The following CTNND2 variants were observed in gnomAD, a reference collection of about 807,000 sequenced individuals.
CTNND2 encodes catenin delta-2.
In CTNND2, 22 loss-of-function variants were observed where a neutral mutation model predicts 144.4. The observed-to-expected ratio is 0.15, with a 90% CI of 0.11 to 0.22. The LOEUF (loss-of-function observed/expected upper bound fraction) is 0.22. Among genes scored for constraint, CTNND2 ranks in the 10% least tolerant of loss-of-function variants. The probability of loss-of-function intolerance (pLI) is 1.00; values close to 1 mark genes in which losing one functional copy is unlikely to be tolerated. For synonymous variants in CTNND2, 751 were observed against 695.6 expected, an observed-to-expected ratio of 1.08 and a Z score of -1.25; for missense variants, 1,353 against 1,618.8, an observed-to-expected ratio of 0.84 and a Z score of 2.82.
At chr5:11,622,498 T>C (rs2126431198) in intron 2 of CTNND2, among the ~76,000 whole-genome samples, 1 of 152,312 alleles carries the variant, frequency 6.6e-6, no homozygotes, top group Non-Finnish European at 1.5e-5. Context: ...TCAGTTATAT[T>C]CATATGGGTT....
intron 2 of CTNND2, chr5:11,588,801 C>T (rs796476997): frequency 2.6e-5 from 26 of 985,140 alleles, no homozygotes; most frequent in South Asian, 4.7e-5. Flanking sequence ...GCAAACAAGA[C>T]GACTAGTCCC....
rs946520813 is a variant in CTNND2, at chr5:11,039,756, C to A, written c.2789-16777G>T. Reference sequence around the variant, plus strand: ...AGTTCCTTATGTTTTTTTCTAATAACCATTATTTTAAAAAACAAGTACAGG... The same window carrying A: ...AGTTCCTTATGTTTTTTTCTAATAAACATTATTTTAAAAAACAAGTACAGG... On this transcript the variant is annotated intron_variant, in intron 16 of 21. Transcript: ENST00000304623. Among the ~76,000 whole-genome samples, 4 of 152,048 alleles carry A rather than the reference C, an allele frequency of 2.6e-5. No homozygotes were observed. The South Asian group carries it at 8.3e-4, about 32-fold the overall frequency.
intron 19 of CTNND2, among the ~76,000 whole-genome samples, chr5:10,990,637 CA>C (rs1437574008): frequency 6.6e-6 from 1 of 152,148 alleles, no homozygotes; most frequent in African/African-American, 2.4e-5. Context: ...CAATATTGCC[CA>C]GATGGTGGTG....
At chr5:11,441,401 C>T (rs1301828765) in intron 3 of CTNND2, among the ~76,000 whole-genome samples, 2 of 105,682 alleles carry the variant, frequency 1.9e-5, no homozygotes, top group Non-Finnish European at 3.6e-5. Context: ...TTTTTAAAGA[C>T]AGATTCTCAC....
intron 3 of CTNND2, among the ~76,000 whole-genome samples, chr5:11,429,370 T>C (rs1044561383): frequency 2.0e-5 from 3 of 152,210 alleles, no homozygotes; most frequent in African/African-American, 7.2e-5. Context: ...TATAAAAAGA[T>C]AAATCAGAAC....
chr5:11,704,783 G>GA (rs1785618150), intron 2 of CTNND2, among the ~76,000 whole-genome samples: 1 of 151,752 alleles, frequency 6.6e-6, no homozygotes, highest in African/African-American at 2.4e-5. Context: ...TAGGAAAAAG[G>GA]AAAAAGCTGC....
intron 11 of CTNND2, among the ~76,000 whole-genome samples, chr5:11,197,659 T>C (rs999091036): frequency 4.6e-5 from 7 of 152,160 alleles, no homozygotes; most frequent in East Asian, 1.9e-4. Flanking sequence ...CCAGAAGCTG[T>C]TGGAAGCAAT....
chr5:11,270,538 T>C (rs530907549), intron 9 of CTNND2, among the ~76,000 whole-genome samples: 5 of 151,874 alleles, frequency 3.3e-5, no homozygotes, highest in Non-Finnish European at 7.4e-5. Context: ...TTTTGCAGTG[T>C]CAGATTTCTG....
intron 12 of CTNND2, among the ~76,000 whole-genome samples, chr5:11,129,284 A>AT (rs1344299822): frequency 8.7e-5 from 5 of 57,514 alleles, no homozygotes; most frequent in African/African-American, 2.8e-4. Context: ...TATATTATAT[A>AT]AAAATATATA....
At chr5:11,129,996 G>A (rs1755404528) in intron 12 of CTNND2, among the ~76,000 whole-genome samples, 1 of 152,002 alleles carries the variant, frequency 6.6e-6, no homozygotes, top group Non-Finnish European at 1.5e-5. Context: ...AGCCAAGTCA[G>A]AATAATTCCC....
chr5:11,543,614 C>T (rs1401133485), intron 3 of CTNND2, among the ~76,000 whole-genome samples: 1 of 143,074 alleles, frequency 7.0e-6, no homozygotes, highest in African/African-American at 2.6e-5. Context: ...ATGGCATATA[C>T]ATTATATATC....
Position 11,420,246 on chromosome 5 carries a change from C to T in CTNND2, c.288-8177G>A, listed in dbSNP as rs552176436. Among the ~76,000 whole-genome samples, 14 of 152,188 alleles carry T rather than the reference C, an allele frequency of 9.2e-5. No individual in the cohort carries two copies. In the East Asian group the frequency reaches 2.3e-3, roughly 25 times the overall value. The stretch of plus-strand genomic sequence containing the variant: ...GCTGAGGCAGGAGAATTGCTTGAAC[C>T]GGGGAGGTGGAGGTTGCAGTGAACC... On this transcript the variant is annotated intron_variant, in intron 3 of 21. Transcript: ENST00000304623.
intron 2 of CTNND2, among the ~76,000 whole-genome samples, chr5:11,727,799 C>T (rs376840297): frequency 6.6e-6 from 1 of 151,998 alleles, no homozygotes; most frequent in African/African-American, 2.4e-5. Context: ...AAATACCATC[C>T]GAAATTTGAT....
intron 2 of CTNND2, among the ~76,000 whole-genome samples, chr5:11,587,925 T>C (rs749130659): frequency 1.4e-4 from 21 of 152,124 alleles, no homozygotes; most frequent in Non-Finnish European, 2.1e-4. Flanking sequence ...CAATTTTTTT[T>C]TTTTAACTAC....
At chr5:11,331,349 T>C (rs1008058211) in intron 9 of CTNND2, among the ~76,000 whole-genome samples, 2 of 152,162 alleles carry the variant, frequency 1.3e-5, no homozygotes, top group Non-Finnish European at 2.9e-5. Flanking sequence ...GAGGGGAAAT[T>C]AACCCCTGTA....
chr5:11,381,076 T>C (rs1165720034), intron 7 of CTNND2, among the ~76,000 whole-genome samples: 1 of 152,162 alleles, frequency 6.6e-6, no homozygotes, highest in Non-Finnish European at 1.5e-5. Flanking sequence ...CTTTTTCTCT[T>C]ACCTTCATCA....
chr5:11,759,957 G>A (rs1331231726), intron 1 of CTNND2, among the ~76,000 whole-genome samples: 3 of 148,406 alleles, frequency 2.0e-5, no homozygotes, highest in Non-Finnish European at 3.0e-5. Flanking sequence ...TCTAAATACT[G>A]ATACCAATTT....
In CTNND2 at chr5:11,199,592, T is replaced by C; in HGVS notation, c.1831A>G (p.Ser611Gly). 6 of 1,614,170 alleles carry C rather than the reference T, an allele frequency of 3.7e-6. No individual in the cohort carries two copies. Among genetic ancestry groups the C allele is most frequent in the Non-Finnish European group, 4.2e-6 (5 of 1,180,016 alleles). The change falls in exon 11 of 22, where the codon AGT (serine) becomes GGT (glycine). Residue 611 changes from serine to glycine, a missense_variant. This residue lies in a region of CTNND2 where 69 missense variants were observed against 120.3 expected (regional missense o/e 0.57). Coordinates refer to ENST00000304623, the MANE Select transcript of CTNND2 (RefSeq NM_001332.4). ...LDHRMTEVHR[S>G]ACGALRNLVY... ...AGGTTTCTCAGAGCTCCACAGGCAC[T>C]ACGGTGGACTTCGGTCATCCGATGA...
At chr5:11,489,973 G>A (rs1468177036) in intron 3 of CTNND2, among the ~76,000 whole-genome samples, 1 of 152,058 alleles carries the variant, frequency 6.6e-6, no homozygotes, top group East Asian at 1.9e-4. Context: ...AAAGAGCTTT[G>A]CAGCCAGCCC....
Sources: allele counts gnomAD v4.1 joint callset (sites outside exome capture counted in the v4.1 genomes callset), GRCh38; gene constraint gnomAD v4.1.1; regional missense constraint gnomAD v4.1.1; transcripts MANE v1.5; gene names NCBI Gene and HGNC (gene_info 2026-07-23, HGNC 2026-07-21).